The following AGFG1 variants were observed in gnomAD, a reference collection of about 807,000 sequenced individuals.
The protein encoded by AGFG1 is ArfGAP with FG repeats 1, also known as arf-GAP domain and FG repeat-containing protein 1.
A neutral mutation model predicts 60.6 loss-of-function variants in AGFG1; 10 were observed. The ratio of observed to expected loss-of-function variants is 0.16; its 90% CI spans 0.10 to 0.28. AGFG1 has a LOEUF of 0.28. AGFG1 is among the 10% of genes least tolerant of loss of function. The probability of loss-of-function intolerance (pLI) is 1.00; values close to 1 mark genes in which losing one functional copy is unlikely to be tolerated. For missense variants in AGFG1, 537 were observed against 676.5 expected (o/e 0.79, Z 2.29); for synonymous variants, 247 against 242.9 (o/e 1.02, Z -0.16).
intron 1 of AGFG1, among the ~76,000 whole-genome samples, chr2:227,478,685 T>G (rs1417043003): frequency 6.6e-6 from 1 of 152,200 alleles, no homozygotes; most frequent in African/African-American, 2.4e-5. Flanking sequence ...TGCTGGCACA[T>G]AAGGCTTTGA....
chr2:227,528,926 C>T (rs960244886), intron 5 of AGFG1, among the ~76,000 whole-genome samples: 1 of 152,206 alleles, frequency 6.6e-6, no homozygotes, highest in Admixed American at 6.5e-5. Context: ...TTAATCTTAA[C>T]TGTTTTGTTC....
At chr2:227,486,239 A>G (rs1690634513) in intron 1 of AGFG1, among the ~76,000 whole-genome samples, 1 of 151,820 alleles carries the variant, frequency 6.6e-6, no homozygotes, top group South Asian at 2.1e-4. Context: ...CTTAATTTTT[A>G]ATTTTTTGTC....
intron 10 of AGFG1, among the ~76,000 whole-genome samples, chr2:227,541,622 G>A (rs1202508695): frequency 6.6e-6 from 1 of 152,188 alleles, no homozygotes; most frequent in African/African-American, 2.4e-5. Context: ...TTTAAAGTCA[G>A]GTAGCGTGAT....
intron 11 of AGFG1, among the ~76,000 whole-genome samples, chr2:227,553,251 C>T (rs1166690982): frequency 6.6e-6 from 1 of 151,666 alleles, no homozygotes; most frequent in Non-Finnish European, 1.5e-5. Context: ...TAATCCCAGC[C>T]CTTTGGGAGG....
At chr2:227,480,837 T>G (rs1349166395) in intron 1 of AGFG1, among the ~76,000 whole-genome samples, 4 of 152,220 alleles carry the variant, frequency 2.6e-5, no homozygotes, top group African/African-American at 9.6e-5. Flanking sequence ...AATGTTTTAT[T>G]CTGCCTTCTT....
Position 227,555,268 on chromosome 2 carries a change from A to G in AGFG1, c.*773A>G, listed in dbSNP as rs974166944. The G allele has an allele frequency of 6.6e-5, 10 of 152,602 alleles. No individual in the cohort carries two copies. The highest frequency in any genetic ancestry group is 2.1e-4 in the South Asian group (1 of 4,836). 9.5% of individuals were successfully genotyped at this position (152,602 alleles called of 1,614,324 possible). Reference sequence around the variant, plus strand: ...ATGTAGAAAATTTATTAAAACTACTATGACTGCTACATTCAGGAATATGCC... The same window carrying G: ...ATGTAGAAAATTTATTAAAACTACTGTGACTGCTACATTCAGGAATATGCC... On this transcript the variant is annotated 3_prime_UTR_variant, in exon 13 of 13. Transcript: ENST00000310078.
intron 1 of AGFG1, among the ~76,000 whole-genome samples, chr2:227,490,060 G>A (rs571857710): frequency 6.6e-4 from 101 of 152,056 alleles, no homozygotes; most frequent in African/African-American, 2.3e-3. Context: ...AGGTGAGCTC[G>A]TCGTCTCGGC....
rs1693005121 is a variant in AGFG1 at position 227,557,412 on chromosome 2, A to G, written c.*2917A>G. 1 of 152,148 alleles carries G rather than the reference A, an allele frequency of 6.6e-6. No homozygotes were observed. The highest frequency in any genetic ancestry group is 1.5e-5 in the Non-Finnish European group (1 of 68,050). 9.4% of individuals were successfully genotyped at this position (152,148 alleles called of 1,614,324 possible). ...CCCCTGCACACACACCCACTTTAGT[A>G]CAGTTCCTGTCAATTGGCAACATGG... On this transcript the variant is annotated 3_prime_UTR_variant, in exon 13 of 13. Transcript: ENST00000310078.
intron 1 of AGFG1, among the ~76,000 whole-genome samples, chr2:227,480,964 AT>A (rs1559165171): frequency 6.6e-6 from 1 of 152,174 alleles, no homozygotes; most frequent in East Asian, 1.9e-4. Context: ...GTCTGATGCT[AT>A]TCTTATTACT....
In AGFG1 at chr2:227,554,686, T is replaced by C. The variant is rs115212402; in HGVS notation, c.*191T>C. The C allele has an allele frequency of 1.3e-3, 645 of 490,482 alleles. 4 individuals carry two copies. The highest frequency in any genetic ancestry group is 0.012 in the African/African-American group (597 of 51,540). 30.4% of individuals were successfully genotyped at this position (490,482 alleles called of 1,614,324 possible). On this transcript the variant is annotated 3_prime_UTR_variant, in exon 13 of 13. Transcript: ENST00000310078. The stretch of plus-strand genomic sequence containing the variant: ...GGCTCCAGTAACACCTTCTAACCTG[T>C]GAATTGGCAGAAAAGGGTAGCGGTA...
chr2:227,531,082 C>T lies in AGFG1; in HGVS notation c.695-9C>T. 1.2e-6 allele frequency: 2 copies of T among 1,606,810 alleles called. No homozygotes were observed. The highest frequency in any genetic ancestry group is 8.5e-7 in the Non-Finnish European group (1 of 1,175,898). ...TTCATTAACATATGTTGTTCCTTAC[C>T]ATTTACAGCTCAGAATTCTGCAAAT... On this transcript the variant is annotated splice_polypyrimidine_tract_variant and intron_variant, in intron 5 of 12. Transcript: ENST00000310078.
chr2:227,510,259 C>CACAT (rs1258937722), intron 2 of AGFG1, among the ~76,000 whole-genome samples: 1 of 152,116 alleles, frequency 6.6e-6, no homozygotes, highest in East Asian at 1.9e-4. Context: ...TACACACACA[C>CACAT]ACATGCACAC....
chr2:227,527,778 G>T (rs533764763), intron 5 of AGFG1, among the ~76,000 whole-genome samples: 2 of 152,270 alleles, frequency 1.3e-5, no homozygotes, highest in Admixed American at 6.5e-5. Context: ...TGGCACATGT[G>T]TATGAGGTAT....
chr2:227,472,981 A>T (rs1575053077), intron 1 of AGFG1, among the ~76,000 whole-genome samples: 1 of 61,278 alleles, frequency 1.6e-5, no homozygotes, highest in Admixed American at 2.1e-4. Context: ...AGACGCTAGG[A>T]GGCCGGGGGG....
At chr2:227,524,233 T>C (rs1691912785) in intron 4 of AGFG1, among the ~76,000 whole-genome samples, 1 of 152,156 alleles carries the variant, frequency 6.6e-6, no homozygotes, top group South Asian at 2.1e-4. Context: ...TGTTATACAA[T>C]TTGTAAAACA....
At chr2:227,535,167 A>G in intron 8 of AGFG1, 142 bp downstream of exon 8, 1 of 915,780 alleles carries the variant, frequency 1.1e-6, no homozygotes, top group South Asian at 2.0e-5. Flanking sequence ...TTGAATTTAA[A>G]TGCTAATTAA....
intron 2 of AGFG1, among the ~76,000 whole-genome samples, chr2:227,497,649 GGCATAATCTT>G (rs1691013618): frequency 6.6e-6 from 1 of 150,766 alleles, no homozygotes; most frequent in South Asian, 2.1e-4. Flanking sequence ...ACATCTCTGT[GGCATAATCTT>G]GCATACGTCT....
rs1693014149 is a variant in AGFG1, at chr2:227,557,633, C to T, written c.*3138C>T. ...ATAACAGTAATAAACTAATAACTTG[C>T]TAACATAAATACCATTTTTGATAAA... is the stretch of plus-strand genomic sequence containing the variant. On this transcript the variant is annotated 3_prime_UTR_variant, in exon 13 of 13. Coordinates refer to ENST00000310078, the MANE Select transcript of AGFG1 (RefSeq NM_004504.5). The T allele has an allele frequency of 6.6e-6, 1 of 152,140 alleles. No individual in the cohort carries two copies. The highest frequency in any genetic ancestry group is 2.1e-4 in the South Asian group (1 of 4,830). 9.4% of individuals were successfully genotyped at this position (152,140 alleles called of 1,614,324 possible).
intron 6 of AGFG1, chr2:227,532,176 T>G: frequency 6.5e-7 from 1 of 1,549,354 alleles, no homozygotes; most frequent in Non-Finnish European, 8.7e-7. Flanking sequence ...TTTTGGTGAA[T>G]TTACTTCAGC....
Sources: allele counts gnomAD v4.1 joint callset (sites outside exome capture counted in the v4.1 genomes callset), GRCh38; gene constraint gnomAD v4.1.1; transcripts MANE v1.5; gene names NCBI Gene and HGNC (gene_info 2026-07-23, HGNC 2026-07-21).